Variants in KHNYN observed in about 807,000 individuals in gnomAD.
The protein encoded by KHNYN is KH and NYN domain containing.
KHNYN carries 42 observed loss-of-function variants against 62.7 expected under a neutral mutation model. That is an observed-to-expected ratio of 0.67 (90% CI 0.52 to 0.87). KHNYN has a LOEUF of 0.87. Ranked by LOEUF, KHNYN falls within the 40% of genes least tolerant of loss-of-function variation. The pLI, the probability that KHNYN is intolerant of heterozygous loss-of-function variation, is 0.00. For synonymous variants in KHNYN, 347 were observed against 345.6 expected (o/e 1.00, Z -0.04); for missense variants, 829 against 874.1 (o/e 0.95, Z 0.65).
upstream of KHNYN, chr14:24,427,936 A>G (rs139294047): frequency 1.9e-4 from 312 of 1,613,776 alleles, no homozygotes; most frequent in South Asian, 2.3e-4. This position sits in a 1 kb window ranked among gnomAD's most constrained non-coding sequence, Gnocchi z 4.4. Flanking sequence ...TCACGTCAGG[A>G]TCATTGGCAA....
chr14:24,436,856 A>T (rs1307855871), intron 7 of KHNYN, among the ~76,000 whole-genome samples, 180 bp from the exon 8 acceptor site: 1 of 152,198 alleles, frequency 6.6e-6, no homozygotes, highest in African/African-American at 2.4e-5. Flanking sequence ...TTTCTAAAAG[A>T]ACGGCCCATC....
chr14:24,427,479 A>G, upstream of KHNYN: 1 of 331,038 alleles, frequency 3.0e-6, no homozygotes, highest in South Asian at 3.1e-5. The surrounding 1 kb of genome is among the most constrained non-coding windows in gnomAD (Gnocchi z 4.4). Flanking sequence ...GAACCGGAGG[A>G]GCAGAGGCCG....
intron 2 of KHNYN, 107 bp from the exon 3 acceptor site, chr14:24,431,356 A>T: frequency 1.2e-6 from 1 of 842,686 alleles, no homozygotes; most frequent in Admixed American, 2.6e-5. Context: ...GAATAACATC[A>T]TGTGGATACT....
At chr14:24,424,726 C>G (rs1200297084), upstream of KHNYN, among the ~76,000 whole-genome samples, 3 of 152,128 alleles carry the variant, frequency 2.0e-5, no homozygotes, top group East Asian at 5.8e-4. Flanking sequence ...ATGGAGGGGG[C>G]TAGGACCTAA....
chr14:24,437,264 C>T lies in KHNYN; in HGVS notation c.2016C>T (p.Ala672=), dbSNP rs1481046349. Residue 672 remains alanine (A), a synonymous_variant, in exon 8 of 8, where the codon GCC becomes GCT. Coordinates refer to ENST00000553935, the MANE Select transcript of KHNYN (RefSeq NM_015299.3). The surrounding 1 kb of genome is among the most constrained non-coding windows in gnomAD (Gnocchi z 5.5). ...YCRDINQLSE[A]LLSLNF ...GGGACATCAACCAACTGTCTGAGGC[C>T]CTGCTCAGTCTTAACTTTTGAGCCT... The T allele has an allele frequency of 6.2e-7, 1 of 1,613,812 alleles. No individual in the cohort carries two copies. Among genetic ancestry groups the T allele is most frequent in the Admixed American group, 1.7e-5 (1 of 60,008 alleles).
Position 24,441,797 on chromosome 14 carries a change from T to C in KHNYN, c.*4512T>C. The C allele has an allele frequency of 6.2e-7, 1 of 1,605,714 alleles. No homozygotes were observed. Among genetic ancestry groups the C allele is most frequent in the East Asian group, 2.2e-5 (1 of 44,846 alleles). ...TCTTTTTGGAAGGTTTCATTCCATC[T>C]GCAGGAGAAACATGGGAAATAAAAA... On this transcript the variant is annotated 3_prime_UTR_variant, in exon 8 of 8. Coordinates refer to ENST00000553935, the MANE Select transcript of KHNYN (RefSeq NM_015299.3).
the KHNYN span, among the ~76,000 whole-genome samples, chr14:24,423,674 A>G: frequency 6.6e-6 from 1 of 152,226 alleles, no homozygotes; most frequent in Non-Finnish European, 1.5e-5. Context: ...AAACCAGTGA[A>G]GAGTTAGAGG....
upstream of KHNYN, chr14:24,426,796 A>G (rs1202330229): frequency 6.6e-6 from 1 of 152,330 alleles, no homozygotes; most frequent in Non-Finnish European, 1.5e-5. Flanking sequence ...AATCCCAGGT[A>G]ATAGGAAGCC....
chr14:24,424,057 T>C, the KHNYN span, among the ~76,000 whole-genome samples: 1 of 152,228 alleles, frequency 6.6e-6, no homozygotes. Flanking sequence ...TTCAACTGAA[T>C]CACTAATATG....
chr14:24,439,873 T>G lies in KHNYN; in HGVS notation c.*2588T>G. The G allele has an allele frequency of 3.9e-6, 2 of 508,196 alleles. No individual in the cohort carries two copies. The highest frequency in any genetic ancestry group is 3.1e-5 in the East Asian group (1 of 32,044). 31.5% of individuals were successfully genotyped at this position (508,196 alleles called of 1,614,324 possible). A position where few individuals can be genotyped will look rare whatever the true frequency, so the allele number is the denominator to read the frequency against. On this transcript the variant is annotated 3_prime_UTR_variant, in exon 8 of 8. Coordinates refer to ENST00000553935, the MANE Select transcript of KHNYN (RefSeq NM_015299.3). ...CATGTAGAGAAACCAAACTGGGAAA[T>G]CTTACAAGGAGTTGAAAAGATTAAT... is the stretch of plus-strand genomic sequence containing the variant.
In KHNYN at chr14:24,431,664, G is replaced by A. The variant is rs1236247741; in HGVS notation, c.403G>A (p.Val135Ile). The change falls in exon 3 of 8, where the codon GTA becomes ATA. Residue 135 changes from valine to isoleucine, a missense_variant. Coordinates refer to ENST00000553935, the MANE Select transcript of KHNYN (RefSeq NM_015299.3). ...TEAFVMAQSR[V>I]EELAERLSWD... Reference sequence around the variant, plus strand: ...AGCCTTTGTCATGGCTCAGAGCCGGGTAGAAGAGCTGGCAGAGCGGCTGAG... The same window carrying A: ...AGCCTTTGTCATGGCTCAGAGCCGGATAGAAGAGCTGGCAGAGCGGCTGAG... 1.9e-6 allele frequency: 3 copies of A among 1,614,052 alleles called. No homozygotes were observed. The highest frequency in any genetic ancestry group is 2.5e-6 in the Non-Finnish European group (3 of 1,180,032).
In KHNYN at chr14:24,430,880, C is replaced by T. The variant is rs753208188; in HGVS notation, c.150C>T (p.Pro50=). 3 of 1,613,984 alleles carry T rather than the reference C, an allele frequency of 1.9e-6. No individual in the cohort carries two copies. The highest frequency in any genetic ancestry group is 2.2e-5 in the South Asian group (2 of 91,072). ...SVLPKDCPDN[P]HIWLQLEGPK... is the part of the protein sequence containing the mutation. ...TTCCGAAGGACTGTCCGGACAACCC[C>T]CACATCTGGCTGCAGCTGGAGGGCC... Residue 50 remains proline (P), a synonymous_variant, in exon 2 of 8, where the codon CCC becomes CCT. Transcript: ENST00000553935.
chr14:24,435,912 T>C, intron 5 of KHNYN, 160 bp from the exon 6 acceptor site: 1 of 631,540 alleles, frequency 1.6e-6, no homozygotes, highest in Admixed American at 2.7e-5. Flanking sequence ...TTTACTTTTA[T>C]TTTTGTAGAT....
At chr14:24,436,855 G>C (rs1318834798) in intron 7 of KHNYN, among the ~76,000 whole-genome samples, 181 bp from the exon 8 acceptor site, 1 of 152,156 alleles carries the variant, frequency 6.6e-6, no homozygotes, top group Non-Finnish European at 1.5e-5. Context: ...GTTTCTAAAA[G>C]AACGGCCCAT....
At chr14:24,429,788 G>C, upstream of KHNYN, 1 of 1,087,666 alleles carries the variant, frequency 9.2e-7, no homozygotes, top group Non-Finnish European at 1.1e-6. Context: ...GAGACAGACG[G>C]GAGGGCTGGT....
Position 24,438,922 on chromosome 14 carries a change from A to G in KHNYN, c.*1637A>G, listed in dbSNP as rs2139401537. The G allele has an allele frequency of 6.6e-6, 1 of 152,280 alleles. No individual in the cohort carries two copies. The highest frequency in any genetic ancestry group is 1.5e-5 in the Non-Finnish European group (1 of 68,058). 9.4% of individuals were successfully genotyped at this position (152,280 alleles called of 1,614,324 possible). A position where few individuals can be genotyped will look rare whatever the true frequency, so the allele number is the denominator to read the frequency against. ...TGAATACTGCATGGCGAGTGTAATG[A>G]TGATGGGGAGGGTCCTTGTGTCCTC... On this transcript the variant is annotated 3_prime_UTR_variant, in exon 8 of 8. Transcript: ENST00000553935.
At chr14:24,428,812 G>A (rs866254952), upstream of KHNYN, 1 of 1,611,698 alleles carries the variant, frequency 6.2e-7, no homozygotes, top group Middle Eastern at 1.7e-4. Context: ...CTGGCTCATG[G>A]TGGTGGCTTC....
upstream of KHNYN, chr14:24,428,159 A>T: frequency 7.1e-7 from 1 of 1,409,826 alleles, no homozygotes; most frequent in Non-Finnish European, 9.7e-7. Context: ...AGGCAGGCCC[A>T]TTCCTCCCCT....
chr14:24,429,855 G>T, upstream of KHNYN: 1 of 1,015,036 alleles, frequency 9.9e-7, no homozygotes, highest in Non-Finnish European at 1.2e-6. Flanking sequence ...GAGCGGGCCC[G>T]TCGGGGCCTC....
Sources: gnomAD v4.1 joint callset for allele counts (sites outside exome capture counted in the v4.1 genomes callset) on GRCh38, gnomAD v4.1.1 for gene constraint, Gnocchi (gnomAD v3.1) non-coding constraint, MANE v1.5 for transcripts, NCBI Gene and HGNC (gene_info 2026-07-23, HGNC 2026-07-21) for gene names.